Variants in SGCZ observed in about 807,000 individuals in gnomAD.
SGCZ encodes the protein zeta-sarcoglycan.
Under a neutral mutation model 41.3 loss-of-function variants are expected in SGCZ, and 40 were observed. The ratio of observed to expected loss-of-function variants is 0.97; its 90% CI spans 0.75 to 1.26. The LOEUF (loss-of-function observed/expected upper bound fraction) is 1.26, where lower values mean the gene tolerates loss of function less well. Among genes scored for constraint, SGCZ ranks in the 50% most tolerant of loss-of-function variants. The pLI is 0.00. For missense variants in SGCZ, 552 were observed against 369.8 expected, an observed-to-expected ratio of 1.49 and a Z score of -4.04; for synonymous variants, 206 against 137.5, an observed-to-expected ratio of 1.50 and a Z score of -3.49.
intron 1 of SGCZ, among the ~76,000 whole-genome samples, chr8:14,898,886 G>T (rs572581642): frequency 2.0e-4 from 31 of 152,270 alleles, no homozygotes; most frequent in African/African-American, 7.2e-4. Flanking sequence ...CTGAGCTGGG[G>T]TTTAGAGAGG....
At chr8:14,691,940 AT>A (rs1428745875) in intron 1 of SGCZ, among the ~76,000 whole-genome samples, 1 of 151,978 alleles carries the variant, frequency 6.6e-6, no homozygotes, top group Non-Finnish European at 1.5e-5. Flanking sequence ...CAAAATGAAT[AT>A]TTTAGTTTAG....
At chr8:15,154,025 C>T (rs966977753) in intron 1 of SGCZ, among the ~76,000 whole-genome samples, 1 of 151,990 alleles carries the variant, frequency 6.6e-6, no homozygotes, top group Admixed American at 6.6e-5. Flanking sequence ...AGAGTTTGTG[C>T]TTCTATGAGA....
intron 2 of SGCZ, among the ~76,000 whole-genome samples, chr8:14,472,908 C>T (rs10086326): frequency 0.23 from 35,683 of 152,024 alleles, 4,530 homozygotes; most frequent in Admixed American, 0.29. Context: ...AGTTCTCACC[C>T]TAAACCACAA....
At chr8:14,098,047 A>C (rs1390030682) in intron 7 of SGCZ, among the ~76,000 whole-genome samples, 1 of 152,166 alleles carries the variant, frequency 6.6e-6, no homozygotes, top group Non-Finnish European at 1.5e-5. Context: ...CAAAGATAGA[A>C]TCATATTGAA....
chr8:15,069,132 A>G (rs1311022813), intron 1 of SGCZ, among the ~76,000 whole-genome samples: 1 of 152,170 alleles, frequency 6.6e-6, no homozygotes, highest in East Asian at 1.9e-4. Flanking sequence ...ACCTAAATTC[A>G]ATGGATAGAT....
intron 2 of SGCZ, among the ~76,000 whole-genome samples, chr8:14,334,199 G>T (rs1337203878): frequency 6.6e-6 from 1 of 151,974 alleles, no homozygotes; most frequent in South Asian, 2.1e-4. Context: ...ACTCCTTAGG[G>T]TAAAGCCTTT....
chr8:14,394,153 T>TCCC lies in SGCZ; in HGVS notation c.235-69950_235-69949insGGG, dbSNP rs1563300661. Among the ~76,000 whole-genome samples the TCCC allele has an allele frequency of 2.6e-3, 228 of 87,636 alleles. 3 individuals carry two copies. Among genetic ancestry groups the TCCC allele is most frequent in the African/African-American group, 8.0e-3 (214 of 26,762 alleles). 57.5% of individuals were successfully genotyped at this position (87,636 alleles called of 152,430 possible). A position where few individuals can be genotyped will look rare whatever the true frequency, so the allele number is the denominator to read the frequency against. Reference sequence around the variant, plus strand: ...CCTACCGCCCCCCACCTTTTTTTTTTTTTTTTTTTTTTTTTGAGATTTAGT... The same window carrying TCCC: ...CCTACCGCCCCCCACCTTTTTTTTTTCCCTTTTTTTTTTTTTTTGAGATTTAGT... On this transcript the variant is annotated intron_variant, in intron 2 of 7. Transcript: ENST00000382080.
intron 5 of SGCZ, among the ~76,000 whole-genome samples, chr8:14,160,237 G>A (rs773118398): frequency 1.3e-5 from 2 of 152,092 alleles, no homozygotes; most frequent in African/African-American, 2.4e-5. Context: ...CAATTCTACG[G>A]GGCTGATGTC....
chr8:15,062,729 T>C (rs944007762), intron 1 of SGCZ, among the ~76,000 whole-genome samples: 9 of 152,192 alleles, frequency 5.9e-5, no homozygotes, highest in African/African-American at 2.2e-4. Context: ...ACATACTTTG[T>C]TTTATAAACT....
intron 1 of SGCZ, among the ~76,000 whole-genome samples, chr8:14,750,661 A>C (rs1282497131): frequency 6.6e-6 from 1 of 152,204 alleles, no homozygotes; most frequent in East Asian, 1.9e-4. Context: ...CAGAGACATT[A>C]TGATACAAAA....
chr8:14,779,969 G>A (rs917658955), intron 1 of SGCZ, among the ~76,000 whole-genome samples: 1 of 152,042 alleles, frequency 6.6e-6, no homozygotes, highest in Non-Finnish European at 1.5e-5. Context: ...GGTTTCTCAC[G>A]GACATATCAG....
At chr8:15,181,208 T>G (rs1800166830) in intron 1 of SGCZ, among the ~76,000 whole-genome samples, 1 of 152,218 alleles carries the variant, frequency 6.6e-6, no homozygotes, top group African/African-American at 2.4e-5. Context: ...AAACAAGTTA[T>G]GTAAGTGAAA....
At chr8:14,340,963 T>C (rs866395440) in intron 2 of SGCZ, among the ~76,000 whole-genome samples, 11 of 152,212 alleles carry the variant, frequency 7.2e-5, no homozygotes, top group African/African-American at 1.7e-4. Flanking sequence ...CCCCAGCCCC[T>C]GGTAACTGCT....
intron 2 of SGCZ, among the ~76,000 whole-genome samples, chr8:14,379,066 G>A (rs1323183388): frequency 1.3e-5 from 2 of 152,008 alleles, no homozygotes; most frequent in Admixed American, 1.3e-4. Context: ...CTTATATGGG[G>A]AAAAAATAGT....
rs531759960 is a variant in SGCZ at position 14,107,470 on chromosome 8, T to C, written c.620+693A>G. On this transcript the variant is annotated intron_variant, in intron 6 of 7. Coordinates refer to ENST00000382080, the MANE Select transcript of SGCZ (RefSeq NM_139167.4). Reference sequence around the variant, plus strand: ...CTGAGGAACCCCATCATAGTCCAGTTAAGTTCTGCCTTTGTCTGATTTGCT... The same window carrying C: ...CTGAGGAACCCCATCATAGTCCAGTCAAGTTCTGCCTTTGTCTGATTTGCT... Among the ~76,000 whole-genome samples the C allele has an allele frequency of 2.0e-5, 3 of 152,230 alleles. No homozygotes were observed. The East Asian group carries it at 5.8e-4, about 29-fold the overall frequency.
chr8:14,117,998 G>C (rs1802577620), intron 5 of SGCZ, among the ~76,000 whole-genome samples: 1 of 151,702 alleles, frequency 6.6e-6, no homozygotes, highest in Non-Finnish European at 1.5e-5. Context: ...TGACATTTGG[G>C]TTGGTTCCAA....
At chr8:14,967,621 C>T (rs949753989) in intron 1 of SGCZ, among the ~76,000 whole-genome samples, 1 of 152,154 alleles carries the variant, frequency 6.6e-6, no homozygotes. Context: ...CATCCCAAAC[C>T]TCTCAGAAAG....
chr8:14,540,342 T>C (rs1399923985), intron 2 of SGCZ, among the ~76,000 whole-genome samples: 1 of 150,744 alleles, frequency 6.6e-6, no homozygotes, highest in East Asian at 2.0e-4. Flanking sequence ...TGAGTATTAA[T>C]ATCTACTATG....
chr8:14,090,703 C>G (rs1801664576), intron 7 of SGCZ, 66 bp from the exon 8 acceptor site: 2 of 1,368,112 alleles, frequency 1.5e-6, no homozygotes, highest in South Asian at 1.4e-5. Flanking sequence ...ATCTACATCC[C>G]TCCTCAACAT....
Sources: gnomAD v4.1 joint callset for allele counts (sites outside exome capture counted in the v4.1 genomes callset) on GRCh38, gnomAD v4.1.1 for gene constraint, MANE v1.5 for transcripts, NCBI Gene and HGNC (gene_info 2026-07-23, HGNC 2026-07-21) for gene names.